SLC25A48: variants seen among roughly 807,000 people sequenced by gnomAD.
SLC25A48 encodes solute carrier family 25 member 48.
A neutral mutation model predicts 32.2 loss-of-function variants in SLC25A48; 29 were observed. The observed-to-expected ratio is 0.90, with a 90% CI of 0.67 to 1.23. SLC25A48 has a LOEUF of 1.23. SLC25A48 is among the 50% of genes most tolerant of loss of function. The pLI is 0.00. For missense variants in SLC25A48, 399 were observed against 422.7 expected (o/e 0.94, Z 0.49); for synonymous variants, 164 against 172.3 (o/e 0.95, Z 0.38).
At chr5:135,733,215 C>T (rs933836870) in intron 3 of SLC25A48, among the ~76,000 whole-genome samples, 27 of 152,162 alleles carry the variant, frequency 1.8e-4, no homozygotes, top group Non-Finnish European at 3.8e-4. Context: ...GTGGAAGATA[C>T]TATAGCATAG....
chr5:135,831,638 C>T (rs1323203111), upstream of SLC25A48, among the ~76,000 whole-genome samples: 2 of 152,148 alleles, frequency 1.3e-5, no homozygotes, highest in Non-Finnish European at 2.9e-5. Context: ...GGGTGTTCCC[C>T]ACAAGGGAAT....
chr5:135,712,602 T>C lies in SLC25A48; in HGVS notation c.-521+77646T>C, dbSNP rs550760651. Among the ~76,000 whole-genome samples, 4 of 152,242 alleles carry C rather than the reference T, an allele frequency of 2.6e-5. No individual in the cohort carries two copies. In the South Asian group the frequency reaches 8.3e-4, roughly 32 times the overall value. On this transcript the variant is annotated intron_variant, in intron 3 of 10. Coordinates refer to the SLC25A48 transcript ENST00000646290. ...TGATACCTCATCATGAGGATACTTC[T>C]GGCTTATGCCTGGTTATTCCCTCAA...
intron 1 of SLC25A48, among the ~76,000 whole-genome samples, chr5:135,595,279 C>T (rs1348607237): frequency 6.6e-6 from 1 of 152,192 alleles, no homozygotes; most frequent in Non-Finnish European, 1.5e-5. Flanking sequence ...TTGCCTAAAT[C>T]CTTGGGCATT....
intron 3 of SLC25A48, among the ~76,000 whole-genome samples, chr5:135,773,534 A>G (rs1053660772): frequency 6.6e-6 from 1 of 150,934 alleles, no homozygotes; most frequent in Non-Finnish European, 1.5e-5. Flanking sequence ...ACATTCCCCT[A>G]TGATACTGTG....
intron 3 of SLC25A48, among the ~76,000 whole-genome samples, chr5:135,717,602 G>C (rs1474709441): frequency 6.6e-6 from 1 of 152,190 alleles, no homozygotes; most frequent in East Asian, 1.9e-4. Flanking sequence ...AGGAGAGGGA[G>C]ACTCAAACAT....
chr5:135,880,348 C>T (rs1265281619), intron 7 of SLC25A48, among the ~76,000 whole-genome samples: 1 of 152,038 alleles, frequency 6.6e-6, no homozygotes, highest in Admixed American at 6.5e-5. Flanking sequence ...AGACAGCTCG[C>T]CTCTCCGTTT....
At chr5:135,713,694 A>T (rs1000996400) in intron 3 of SLC25A48, among the ~76,000 whole-genome samples, 4 of 152,206 alleles carry the variant, frequency 2.6e-5, no homozygotes, top group African/African-American at 9.6e-5. Flanking sequence ...GCTCTGTAGC[A>T]GACAGATTTG....
At chr5:135,716,231 G>A (rs1754793172) in intron 3 of SLC25A48, among the ~76,000 whole-genome samples, 1 of 152,212 alleles carries the variant, frequency 6.6e-6, no homozygotes. Flanking sequence ...ACAGCCAGCA[G>A]GATCACCATC....
intron 1 of SLC25A48, among the ~76,000 whole-genome samples, chr5:135,598,032 A>G (rs1278380743): frequency 6.6e-6 from 1 of 151,986 alleles, no homozygotes; most frequent in Non-Finnish European, 1.5e-5. Flanking sequence ...AAAAACAAAC[A>G]AACAAACAAA....
intron 3 of SLC25A48, among the ~76,000 whole-genome samples, chr5:135,734,586 G>A (rs563346092): frequency 5.9e-5 from 9 of 152,144 alleles, no homozygotes; most frequent in African/African-American, 2.2e-4. Flanking sequence ...CCAGCACTTT[G>A]GGAGGCTGAG....
At chr5:135,859,188 A>G (rs1007657484) in intron 4 of SLC25A48, among the ~76,000 whole-genome samples, 1 of 152,180 alleles carries the variant, frequency 6.6e-6, no homozygotes, top group African/African-American at 2.4e-5. Context: ...TGGGTAATTC[A>G]TAAAGAAAAG....
At chr5:135,716,619 A>G (rs1487439779) in intron 3 of SLC25A48, among the ~76,000 whole-genome samples, 1 of 152,216 alleles carries the variant, frequency 6.6e-6, no homozygotes, top group African/African-American at 2.4e-5. Context: ...GGTTTCAGGC[A>G]TCTGTCAGCC....
intron 5 of SLC25A48, among the ~76,000 whole-genome samples, chr5:135,873,676 T>C (rs1006045755): frequency 1.3e-5 from 2 of 152,326 alleles, no homozygotes; most frequent in Non-Finnish European, 1.5e-5. Flanking sequence ...CAATAAAAAC[T>C]GCTAATAAAT....
At chr5:135,753,194 T>C (rs1223405305) in intron 3 of SLC25A48, among the ~76,000 whole-genome samples, 2 of 152,044 alleles carry the variant, frequency 1.3e-5, no homozygotes, top group Non-Finnish European at 2.9e-5. Context: ...GAGGATATTT[T>C]ATGCATAATA....
chr5:135,727,087 C>T (rs1580818024), intron 3 of SLC25A48, among the ~76,000 whole-genome samples: 1 of 151,854 alleles, frequency 6.6e-6, no homozygotes, highest in Non-Finnish European at 1.5e-5. Flanking sequence ...GTGTATTGGT[C>T]ATCTGTATAT....
At chr5:135,808,763 T>C (rs935562294) in intron 3 of SLC25A48, among the ~76,000 whole-genome samples, 2 of 152,208 alleles carry the variant, frequency 1.3e-5, no homozygotes, top group African/African-American at 4.8e-5. Context: ...TACTAAATGT[T>C]ACTTATCTTT....
chr5:135,789,619 C>T (rs1003264802), intron 3 of SLC25A48, among the ~76,000 whole-genome samples: 8 of 151,558 alleles, frequency 5.3e-5, no homozygotes, highest in East Asian at 3.9e-4. Context: ...TATTATTCCC[C>T]ATGTGGCGGG....
chr5:135,852,752 G>A lies in SLC25A48; in HGVS notation c.352G>A (p.Val118Ile). The A allele has an allele frequency of 6.2e-7, 1 of 1,614,106 alleles. No homozygotes were observed. The highest frequency in any genetic ancestry group is 8.5e-7 in the Non-Finnish European group (1 of 1,180,002). Residue 118 changes from valine to isoleucine, a missense_variant, in exon 4 of 8, where the codon GTC becomes ATC. By Grantham distance (29) the Val-to-Ile change is conservative. Transcript: ENST00000681962. ...LASMVAGVVS[V>I]GLGGPVDLIK... The stretch of plus-strand genomic sequence containing the variant: ...CAGCATGGTGGCCGGCGTGGTCTCT[G>A]TCGGGCTGGGAGGGCCCGTGGACCT...
At chr5:135,831,151 G>T (rs1266325822), upstream of SLC25A48, among the ~76,000 whole-genome samples, 2 of 152,162 alleles carry the variant, frequency 1.3e-5, no homozygotes, top group Non-Finnish European at 2.9e-5. Flanking sequence ...ACCTTTGAGG[G>T]CCTGAAAGAA....
Sources: allele counts gnomAD v4.1 joint callset (sites outside exome capture counted in the v4.1 genomes callset), GRCh38; gene constraint gnomAD v4.1.1; transcripts MANE v1.5; gene names NCBI Gene and HGNC (gene_info 2026-07-23, HGNC 2026-07-21).